ERN1: variants seen among roughly 807,000 people sequenced by gnomAD.
The protein encoded by ERN1 is endoplasmic reticulum to nucleus signaling 1, also known as serine/threonine-protein kinase/endoribonuclease IRE1.
Under a neutral mutation model 113.1 loss-of-function variants are expected in ERN1, and 39 were observed. The ratio of observed to expected loss-of-function variants is 0.34; its 90% CI spans 0.27 to 0.45. The LOEUF (loss-of-function observed/expected upper bound fraction) is 0.45. Ranked by LOEUF, ERN1 falls within the 20% of genes least tolerant of loss-of-function variation. The pLI, the probability that ERN1 is intolerant of heterozygous loss-of-function variation, is 1.00. For synonymous variants in ERN1, 507 were observed against 515.9 expected (o/e 0.98, Z 0.23); for missense variants, 976 against 1,274.8 (o/e 0.77, Z 3.57).
At chr17:64,085,919 T>C (rs565933518) in intron 2 of ERN1, among the ~76,000 whole-genome samples, 17 of 152,324 alleles carry the variant, frequency 1.1e-4, no homozygotes, top group African/African-American at 3.8e-4. Flanking sequence ...GCCTTCTGTG[T>C]CATAGGGGAT....
intron 2 of ERN1, among the ~76,000 whole-genome samples, chr17:64,094,438 C>T (rs1914172982): frequency 6.6e-6 from 1 of 152,114 alleles, no homozygotes; most frequent in East Asian, 1.9e-4. Flanking sequence ...CTTTTTGAAA[C>T]TGTGTATACG....
At chr17:64,053,028 G>GCCC (rs1222162383) in intron 16 of ERN1, 49 bp from the exon 17 acceptor site, 1 of 989,060 alleles carries the variant, frequency 1.0e-6, no homozygotes, top group Admixed American at 3.4e-5. Context: ...AGCAACCCCA[G>GCCC]GCCTCCTCCA....
chr17:64,056,534 G>A (rs951401614), intron 12 of ERN1, among the ~76,000 whole-genome samples: 1 of 152,196 alleles, frequency 6.6e-6, no homozygotes, highest in Non-Finnish European at 1.5e-5. Context: ...TCCTGCTTCC[G>A]CCTTTCATCC....
At chr17:64,080,943 G>A (rs950769393) in intron 2 of ERN1, 135 bp from the exon 3 acceptor site, 12 of 733,208 alleles carry the variant, frequency 1.6e-5, no homozygotes, top group African/African-American at 7.1e-5. Flanking sequence ...GCTAGTGCAC[G>A]TGAAGGTTAT....
intron 2 of ERN1, among the ~76,000 whole-genome samples, chr17:64,085,018 TA>T (rs1250960860): frequency 2.6e-5 from 4 of 152,238 alleles, no homozygotes; most frequent in Non-Finnish European, 4.4e-5. Flanking sequence ...TGTAGTTCTG[TA>T]TATTTTATTG....
rs746017697 is a variant in ERN1 at position 64,064,094 on chromosome 17, C to T, written c.979G>A (p.Gly327Arg). 1.1e-5 allele frequency: 17 copies of T among 1,612,442 alleles called. No individual in the cohort carries two copies. Among genetic ancestry groups the T allele is most frequent in the Middle Eastern group, 1.6e-4 (1 of 6,084 alleles). The change falls in exon 10 of 22, where the codon GGG becomes AGG. Residue 327 changes from glycine (G) to arginine (R), a missense_variant. By Grantham distance (125) the Gly-to-Arg change is moderately radical. This residue lies in a region of ERN1 where 459 missense variants were observed against 581.2 expected (regional missense o/e 0.79). Coordinates refer to ENST00000433197, the MANE Select transcript of ERN1 (RefSeq NM_001433.5). ...GTGATCACACACTCCCCCTTGTCCC[C>T]AATGGTGACGCCATCAGTCTGGGGC... ...EGPQTDGVTI[G>R]DKGECVITPS... is the part of the protein sequence containing the mutation.
intron 1 of ERN1, chr17:64,102,653 C>T (rs1344475917): frequency 2.0e-6 from 2 of 984,990 alleles, no homozygotes; most frequent in Non-Finnish European, 2.4e-6. Flanking sequence ...ATACTGAGCA[C>T]AGCTGAGAAC....
intron 1 of ERN1, among the ~76,000 whole-genome samples, chr17:64,127,725 GC>G (rs1328969106): frequency 6.7e-6 from 1 of 148,344 alleles, no homozygotes; most frequent in Non-Finnish European, 1.5e-5. Context: ...TTGCACTCCA[GC>G]CTGGGCAACA....
intron 2 of ERN1, among the ~76,000 whole-genome samples, chr17:64,095,384 G>A (rs1339349338): frequency 6.6e-6 from 1 of 152,016 alleles, no homozygotes; most frequent in East Asian, 1.9e-4. Context: ...AGCCAAGATC[G>A]CACCATTGCA....
intron 1 of ERN1, among the ~76,000 whole-genome samples, chr17:64,102,239 T>C (rs1012288765): frequency 2.6e-5 from 4 of 152,146 alleles, no homozygotes; most frequent in Non-Finnish European, 5.9e-5. Context: ...TGAGCTAAGA[T>C]CATACCATTG....
chr17:64,076,190 A>T (rs1913585844), intron 4 of ERN1, among the ~76,000 whole-genome samples: 1 of 152,184 alleles, frequency 6.6e-6, no homozygotes, highest in African/African-American at 2.4e-5. Flanking sequence ...GTTTCAGTAT[A>T]CTTTATTTTT....
intron 1 of ERN1, among the ~76,000 whole-genome samples, chr17:64,101,887 T>C (rs746762479): frequency 6.6e-6 from 1 of 152,194 alleles, no homozygotes; most frequent in Non-Finnish European, 1.5e-5. Context: ...TTGCTACTAG[T>C]GGAAGCACTA....
At chr17:64,118,864 G>A (rs1220543188) in intron 1 of ERN1, among the ~76,000 whole-genome samples, 1 of 152,156 alleles carries the variant, frequency 6.6e-6, no homozygotes, top group Admixed American at 6.6e-5. Context: ...GGAAGGGAGT[G>A]TCACAGCCTG....
chr17:64,114,070 T>TAAA (rs10718636), intron 1 of ERN1, among the ~76,000 whole-genome samples: 1 of 112,418 alleles, frequency 8.9e-6, no homozygotes. Context: ...AGGTAAATGC[T>TAAA]AAAAAAAAAA....
chr17:64,058,028 AT>A (rs1217107417), intron 11 of ERN1, 35 bp from the exon 12 acceptor site: 17 of 1,473,322 alleles, frequency 1.2e-5, no homozygotes, highest in Non-Finnish European at 1.3e-5. Flanking sequence ...TCACTGCAAA[AT>A]TTCTAGCCAG....
intron 6 of ERN1, among the ~76,000 whole-genome samples, chr17:64,070,861 ATAAG>A (rs773336748): frequency 1.3e-5 from 2 of 152,210 alleles, no homozygotes; most frequent in Non-Finnish European, 2.9e-5. Context: ...ACATATGGTA[ATAAG>A]TAAGGCAGGT....
Position 64,054,616 on chromosome 17 carries a change from G to T in ERN1, c.1763+122C>A. On this transcript the variant is annotated intron_variant, in intron 14 of 21. Coordinates refer to ENST00000433197, the MANE Select transcript of ERN1 (RefSeq NM_001433.5). This position sits in a 1 kb window ranked among gnomAD's most constrained non-coding sequence, Gnocchi z 4.9. Reference sequence around the variant, plus strand: ...CAGTGTGCAAGCTCCCTGGAGGCCGGACTCCATGCGTCTAGGTCACTGCTT... The same window carrying T: ...CAGTGTGCAAGCTCCCTGGAGGCCGTACTCCATGCGTCTAGGTCACTGCTT... 2.0e-6 allele frequency: 2 copies of T among 980,396 alleles called. No homozygotes were observed. Among genetic ancestry groups the T allele is most frequent in the South Asian group, 1.7e-5 (1 of 60,460 alleles). 60.7% of individuals were successfully genotyped at this position (980,396 alleles called of 1,614,324 possible).
At chr17:64,056,285 T>C (rs1912867647) in intron 12 of ERN1, among the ~76,000 whole-genome samples, 1 of 152,174 alleles carries the variant, frequency 6.6e-6, no homozygotes, top group Admixed American at 6.5e-5. Context: ...TGAGAGTTGT[T>C]GCAAAGGTGA....
At chr17:64,077,567 G>A (rs116499917) in intron 4 of ERN1, among the ~76,000 whole-genome samples, 2,228 of 152,162 alleles carry the variant, frequency 0.015, 55 homozygotes, top group African/African-American at 0.05. Context: ...TCAACATCAC[G>A]CTTGTGAGTC....
Sources: allele counts gnomAD v4.1 joint callset (sites outside exome capture counted in the v4.1 genomes callset), GRCh38; gene constraint gnomAD v4.1.1; regional missense constraint gnomAD v4.1.1; non-coding constraint Gnocchi (gnomAD v3.1); transcripts MANE v1.5; gene names NCBI Gene and HGNC (gene_info 2026-07-23, HGNC 2026-07-21).